The following SPATA18 variants were observed in gnomAD, a reference collection of about 807,000 sequenced individuals.
SPATA18 encodes mitochondria-eating protein.
In SPATA18, 54 loss-of-function variants were observed where a neutral mutation model predicts 68.1. The observed-to-expected ratio is 0.79, with a 90% CI of 0.64 to 0.99. The LOEUF (loss-of-function observed/expected upper bound fraction) is 0.99. Among genes scored for constraint, SPATA18 ranks in the 50% least tolerant of loss-of-function variants. The pLI is 0.00. For missense variants in SPATA18, 724 were observed against 681.1 expected (o/e 1.06, Z -0.70); for synonymous variants, 242 against 244.8 (o/e 0.99, Z 0.11).
Position 52,072,193 on chromosome 4 carries a change from C to G in SPATA18, c.758+37C>G, listed in dbSNP as rs376073759. The G allele has an allele frequency of 3.7e-6, 6 of 1,607,798 alleles. No homozygotes were observed. In the African/African-American group the frequency reaches 4.0e-5, roughly 11 times the overall value. ...TCTCAAAGATCTTCTCATTTAGGCT[C>G]TTTTTGCTGAGTTAAGGGATCGGGG... On this transcript the variant is annotated intron_variant, in intron 6 of 12. Transcript: ENST00000295213.
intron 1 of SPATA18, among the ~76,000 whole-genome samples, chr4:52,055,268 C>T (rs1738237434): frequency 6.6e-6 from 1 of 152,180 alleles, no homozygotes; most frequent in Non-Finnish European, 1.5e-5. Flanking sequence ...TATTTCAGTT[C>T]TACACTTATA....
intron 4 of SPATA18, among the ~76,000 whole-genome samples, chr4:52,066,544 G>A (rs954855496): frequency 6.6e-6 from 1 of 152,152 alleles, no homozygotes. Context: ...TGCAGGATGT[G>A]CAGGTTTGTT....
chr4:52,094,938 C>T lies in SPATA18; in HGVS notation c.*51C>T, dbSNP rs762550926. 3.1e-6 allele frequency: 5 copies of T among 1,610,982 alleles called. No homozygotes were observed. Among genetic ancestry groups the T allele is most frequent in the Admixed American group, 3.3e-5 (2 of 59,994 alleles). On this transcript the variant is annotated 3_prime_UTR_variant, in exon 13 of 13. Transcript: ENST00000295213. The stretch of plus-strand genomic sequence containing the variant: ...CAGTGCGTGGAAACAGCTGCTTTCT[C>T]CAGTGCCGCCATCTGTCTTCTGTGT...
Position 52,076,769 on chromosome 4 carries a change from T to C in SPATA18, c.759-10T>C, listed in dbSNP as rs940293048. 2 of 1,610,916 alleles carry C rather than the reference T, an allele frequency of 1.2e-6. No individual in the cohort carries two copies. Among genetic ancestry groups the C allele is most frequent in the Admixed American group, 1.7e-5 (1 of 59,660 alleles). ...AAGGATTTCCCTGGCTGATTCTCGC[T>C]CACCAACAGGTCCTCCAGGAGCCGG... On this transcript the variant is annotated splice_polypyrimidine_tract_variant and intron_variant, in intron 6 of 12. Coordinates refer to ENST00000295213, the MANE Select transcript of SPATA18 (RefSeq NM_145263.4).
chr4:52,084,787 TG>T, intron 10 of SPATA18, 128 bp from the exon 11 acceptor site: 1 of 813,458 alleles, frequency 1.2e-6, no homozygotes. Context: ...CTTGTGCAGA[TG>T]ATCAGTAATG....
chr4:52,052,698 C>A (rs188059577), intron 1 of SPATA18, among the ~76,000 whole-genome samples: 22 of 152,338 alleles, frequency 1.4e-4, no homozygotes, highest in African/African-American at 5.3e-4. Context: ...CTTAGTACCT[C>A]ATCTGTGAAA....
At chr4:52,071,661 AT>A (rs1739852717) in intron 5 of SPATA18, among the ~76,000 whole-genome samples, 1 of 152,150 alleles carries the variant, frequency 6.6e-6, no homozygotes, top group Non-Finnish European at 1.5e-5. Flanking sequence ...GAGGATCTGC[AT>A]GAGTGTCCTT....
Position 52,051,347 on chromosome 4 carries a change from C to T in SPATA18, c.-358C>T. ...GCGGCTGTCACCCAGGGCGGGGCGG[C>T]GCGGGCGTTGCCACGACGCGGGCCG... On this transcript the variant is annotated 5_prime_UTR_variant, in exon 1 of 13. Coordinates refer to ENST00000295213, the MANE Select transcript of SPATA18 (RefSeq NM_145263.4). The T allele has an allele frequency of 9.5e-6, 2 of 209,570 alleles. No homozygotes were observed. Among genetic ancestry groups the T allele is most frequent in the Non-Finnish European group, 1.9e-5 (2 of 107,052 alleles). 13.0% of individuals were successfully genotyped at this position (209,570 alleles called of 1,614,324 possible). A position where few individuals can be genotyped will look rare whatever the true frequency, so the allele number is the denominator to read the frequency against.
At chr4:52,088,026 A>G (rs1192420657) in intron 11 of SPATA18, among the ~76,000 whole-genome samples, 2 of 151,864 alleles carry the variant, frequency 1.3e-5, no homozygotes, top group African/African-American at 4.8e-5. Flanking sequence ...TTATTCTCTT[A>G]GTAGCAATTG....
At chr4:52,060,570 C>T (rs753161765) in intron 2 of SPATA18, 46 bp downstream of exon 2, 1 of 1,570,556 alleles carries the variant, frequency 6.4e-7, no homozygotes, top group Admixed American at 1.7e-5. Flanking sequence ...TTGCCTTTCT[C>T]TCTTTTCTTG....
In SPATA18 at chr4:52,078,797, G is replaced by A. The variant is rs773293823; in HGVS notation, c.1083G>A (p.Leu361=). ...RHFKIHVRKS[L]TPSYVGSNDF... ...TCAAGATCCATGTGAGAAAATCGTT[G>A]ACACCATCTTATGTGGGGTCGAATG... The change falls in exon 8 of 13, where the codon TTG becomes TTA. Residue 361 remains leucine (L), a synonymous_variant. Transcript: ENST00000295213. 6.2e-7 allele frequency: 1 copy of A among 1,607,424 alleles called. No homozygotes were observed. Among genetic ancestry groups the A allele is most frequent in the Non-Finnish European group, 8.5e-7 (1 of 1,174,696 alleles).
chr4:52,091,254 G>C (rs905003574), intron 11 of SPATA18, among the ~76,000 whole-genome samples: 2 of 151,924 alleles, frequency 1.3e-5, no homozygotes, highest in African/African-American at 4.8e-5. Context: ...GCTTGGAGTT[G>C]TTTGTTATTA....
intron 1 of SPATA18, among the ~76,000 whole-genome samples, chr4:52,052,859 G>T (rs1190714246): frequency 6.6e-6 from 1 of 152,208 alleles, no homozygotes; most frequent in African/African-American, 2.4e-5. Flanking sequence ...GTGGAGGGGA[G>T]CTCAAAGAGC....
intron 1 of SPATA18, among the ~76,000 whole-genome samples, chr4:52,056,728 C>G (rs1370207998): frequency 6.6e-6 from 1 of 152,152 alleles, no homozygotes; most frequent in Non-Finnish European, 1.5e-5. Context: ...TAGCCTCCAG[C>G]ATCTCTCAGC....
chr4:52,089,278 A>G (rs927380582), intron 11 of SPATA18, among the ~76,000 whole-genome samples: 4 of 149,620 alleles, frequency 2.7e-5, no homozygotes, highest in African/African-American at 9.8e-5. Flanking sequence ...TAATGTCTCT[A>G]TCTCCTTCAG....
chr4:52,079,577 T>C lies in SPATA18; in HGVS notation c.1180-167T>C, dbSNP rs145824184. 5.7e-3 allele frequency among the ~76,000 whole-genome samples: 864 copies of C among 152,352 alleles called. 3 individuals are homozygous for C. The highest frequency in any genetic ancestry group is 9.1e-3 in the Non-Finnish European group (616 of 68,034). On this transcript the variant is annotated intron_variant, in intron 8 of 12. Transcript: ENST00000295213. ...GTCCTCTTTCCTTCTTCCCTGTGAA[T>C]GGGTGGCAACATCTTTCTCCTTTTA...
rs749169122 is a variant in SPATA18 at position 52,079,877 on chromosome 4, A to G, written c.1313A>G (p.Asp438Gly). 6 of 1,613,978 alleles carry G rather than the reference A, an allele frequency of 3.7e-6. No homozygotes were observed. In the Admixed American group the frequency reaches 6.7e-5, roughly 18 times the overall value. Residue 438 changes from aspartate to glycine, a missense_variant, in exon 9 of 13, where the codon GAT becomes GGT. By Grantham distance (94) the Asp-to-Gly change is moderately conservative (BLOSUM62 -1). Transcript: ENST00000295213. ...FAMQALEPPL[D>G]IAYGADGEVF... ...ATGCAGGCCTTAGAACCACCCCTAG[A>G]TATTGCATATGGAGCAGATGGAGAA...
At chr4:52,083,710 C>T (rs1290422347) in intron 10 of SPATA18, among the ~76,000 whole-genome samples, 1 of 150,608 alleles carries the variant, frequency 6.6e-6, no homozygotes, top group Non-Finnish European at 1.5e-5. Context: ...TGCCACTGCA[C>T]TCCAGCCTGG....
intron 11 of SPATA18, among the ~76,000 whole-genome samples, chr4:52,088,183 C>G (rs7666187): frequency 0.62 from 94,817 of 152,022 alleles, 34,365 homozygotes; most frequent in Non-Finnish European, 0.81. Flanking sequence ...TGAGACGATG[C>G]GGTTTTCTAA....
Sources: allele counts gnomAD v4.1 joint callset (sites outside exome capture counted in the v4.1 genomes callset), GRCh38; gene constraint gnomAD v4.1.1; transcripts MANE v1.5; gene names NCBI Gene and HGNC (gene_info 2026-07-23, HGNC 2026-07-21).